DGKB: variants seen among roughly 807,000 people sequenced by gnomAD.
The protein encoded by DGKB is diacylglycerol kinase beta.
Under a neutral mutation model 114.3 loss-of-function variants are expected in DGKB, and 67 were observed. That is an observed-to-expected ratio of 0.59 (90% CI 0.48 to 0.72). The LOEUF (loss-of-function observed/expected upper bound fraction) is 0.72, where lower values mean the gene tolerates loss of function less well. DGKB is among the 30% of genes least tolerant of loss of function. DGKB has a pLI of 0.00. For missense variants in DGKB, 907 were observed against 975.2 expected (o/e 0.93, Z 0.93); for synonymous variants, 398 against 323.1 (o/e 1.23, Z -2.49).
intron 22 of DGKB, among the ~76,000 whole-genome samples, chr7:14,344,599 C>T (rs1490274088): frequency 6.6e-6 from 1 of 151,572 alleles, no homozygotes; most frequent in Non-Finnish European, 1.5e-5. Flanking sequence ...TTGTCTTTAT[C>T]ATTTGTCAAA....
At chr7:14,788,899 C>T (rs1271889163) in intron 2 of DGKB, among the ~76,000 whole-genome samples, 1 of 152,008 alleles carries the variant, frequency 6.6e-6, no homozygotes, top group Non-Finnish European at 1.5e-5. Flanking sequence ...ACCGTATGCC[C>T]AGGAAAATAC....
intron 1 of DGKB, among the ~76,000 whole-genome samples, chr7:14,856,932 T>TC (rs1374988725): frequency 6.6e-6 from 1 of 152,036 alleles, no homozygotes; most frequent in Non-Finnish European, 1.5e-5. Context: ...CACCCATGAG[T>TC]CACCCCTAAC....
At chr7:14,149,915 A>C (rs943644729) in intron 25 of DGKB, among the ~76,000 whole-genome samples, 6 of 152,314 alleles carry the variant, frequency 3.9e-5, no homozygotes, top group African/African-American at 1.2e-4. Flanking sequence ...GATTTCTTTG[A>C]TATAAAACTA....
intron 13 of DGKB, among the ~76,000 whole-genome samples, chr7:14,635,710 T>C (rs982647471): frequency 6.6e-6 from 1 of 151,644 alleles, no homozygotes; most frequent in Non-Finnish European, 1.5e-5. Context: ...ATTATGTTTG[T>C]GTATGTTTGG....
chr7:14,854,493 G>C (rs1849841058), intron 1 of DGKB, among the ~76,000 whole-genome samples: 1 of 152,180 alleles, frequency 6.6e-6, no homozygotes, highest in Non-Finnish European at 1.5e-5. Flanking sequence ...GGATGAAACT[G>C]TTCCACCTCA....
intron 21 of DGKB, among the ~76,000 whole-genome samples, chr7:14,404,231 A>T (rs1395522713): frequency 1.3e-5 from 2 of 151,424 alleles, no homozygotes; most frequent in African/African-American, 4.9e-5. Flanking sequence ...TTTTGAGATG[A>T]ATCATACATA....
chr7:14,891,847 T>C (rs146897882), intron 1 of DGKB, among the ~76,000 whole-genome samples: 1,554 of 151,284 alleles, frequency 0.01, 19 homozygotes, highest in East Asian at 0.028. Flanking sequence ...AAATAAAACA[T>C]GGACATTTAG....
At chr7:14,848,793 C>T (rs1117750) in intron 1 of DGKB, among the ~76,000 whole-genome samples, 15,919 of 152,010 alleles carry the variant, frequency 0.1, 1,543 homozygotes, top group East Asian at 0.3. Flanking sequence ...AATGGAGACC[C>T]CTTAAATGGT....
At chr7:14,664,077 ACT>A (rs1817619918) in intron 13 of DGKB, among the ~76,000 whole-genome samples, 2 of 151,894 alleles carry the variant, frequency 1.3e-5, no homozygotes, top group East Asian at 3.9e-4. Context: ...TATTTTTAAA[ACT>A]CTGCAACTAT....
intron 23 of DGKB, among the ~76,000 whole-genome samples, chr7:14,312,585 G>A (rs1805590239): frequency 1.3e-5 from 2 of 152,134 alleles, no homozygotes; most frequent in Admixed American, 6.5e-5. Context: ...TGGGGAATAT[G>A]CATAAAGCAA....
At chr7:14,527,172 A>G (rs1272383973) in intron 20 of DGKB, among the ~76,000 whole-genome samples, 1 of 152,128 alleles carries the variant, frequency 6.6e-6, no homozygotes. Flanking sequence ...TGTTATGCCT[A>G]TAATTGAAAA....
chr7:14,609,607 T>C (rs1384647329), intron 16 of DGKB, among the ~76,000 whole-genome samples: 1 of 151,772 alleles, frequency 6.6e-6, no homozygotes, highest in East Asian at 1.9e-4. Context: ...TGGGAGAAAA[T>C]ATTTGCAAAC....
chr7:14,853,313 C>G (rs1026087719), intron 1 of DGKB, among the ~76,000 whole-genome samples: 9 of 151,962 alleles, frequency 5.9e-5, no homozygotes, highest in Non-Finnish European at 1.3e-4. Context: ...CTTTTATTTT[C>G]TTCTGAAAGC....
intron 23 of DGKB, among the ~76,000 whole-genome samples, chr7:14,273,731 T>C (rs528569144): frequency 6.6e-6 from 1 of 152,318 alleles, no homozygotes; most frequent in South Asian, 2.1e-4. Flanking sequence ...AAAAGGTGTC[T>C]TCTAAAACTA....
intron 1 of DGKB, among the ~76,000 whole-genome samples, chr7:14,971,123 T>C (rs987436381): frequency 4.6e-5 from 7 of 152,332 alleles, no homozygotes; most frequent in Middle Eastern, 3.4e-3. Context: ...TTGGGATTAA[T>C]TTCTCAGTTG....
chr7:14,456,456 C>T (rs1039030310), intron 21 of DGKB, among the ~76,000 whole-genome samples: 3 of 151,984 alleles, frequency 2.0e-5, no homozygotes, highest in Non-Finnish European at 2.9e-5. Flanking sequence ...TGTTAATATA[C>T]CTGCACAAAA....
intron 21 of DGKB, among the ~76,000 whole-genome samples, chr7:14,366,137 G>T (rs1816638618): frequency 6.6e-6 from 1 of 152,100 alleles, no homozygotes; most frequent in South Asian, 2.1e-4. Flanking sequence ...ACAGACTTTA[G>T]ATGTAGACTG....
Position 14,148,679 on chromosome 7 carries a change from C to CTGAT in DGKB, c.*448_*451dup. ...CCTCAAGTCATAGGTCACTGATACACTGATTCTAAAAGGGAAACGTATAGC... is the reference window on the plus strand; with the variant it reads ...CCTCAAGTCATAGGTCACTGATACACTGATTGATTCTAAAAGGGAAACGTATAGC... On this transcript the variant is annotated 3_prime_UTR_variant, in exon 26 of 26. Transcript: ENST00000402815. 1 of 185,296 alleles carries CTGAT rather than the reference C, an allele frequency of 5.4e-6. No homozygotes were observed. Among genetic ancestry groups the CTGAT allele is most frequent in the Non-Finnish European group, 1.1e-5 (1 of 88,226 alleles). The allele number at this position is 185,296 out of a possible 1,614,324, so 11.5% of individuals were successfully genotyped here.
chr7:14,432,236 T>TG (rs1828555589), intron 21 of DGKB, among the ~76,000 whole-genome samples: 1 of 152,170 alleles, frequency 6.6e-6, no homozygotes, highest in South Asian at 2.1e-4. Context: ...TGTCTGTACT[T>TG]GCTGTTGCCC....
Sources: gnomAD v4.1 joint callset for allele counts (sites outside exome capture counted in the v4.1 genomes callset) on GRCh38, gnomAD v4.1.1 for gene constraint, MANE v1.5 for transcripts, NCBI Gene and HGNC (gene_info 2026-07-23, HGNC 2026-07-21) for gene names.